Variants in LHFPL2 observed in about 807,000 individuals in gnomAD.
The protein encoded by LHFPL2 is LHFPL tetraspan subfamily member 2 protein.
In LHFPL2, 7 loss-of-function variants were observed where a neutral mutation model predicts 17.5. The observed-to-expected ratio is 0.40, with a 90% confidence interval of 0.23 to 0.75. The LOEUF (loss-of-function observed/expected upper bound fraction) is 0.75, where lower values mean the gene tolerates loss of function less well. LHFPL2 is among the 30% of genes least tolerant of loss of function. The probability of loss-of-function intolerance (pLI) is 0.37; values close to 1 mark genes in which losing one functional copy is unlikely to be tolerated. For synonymous variants in LHFPL2, 134 were observed against 116.2 expected, an observed-to-expected ratio of 1.15 and a Z score of -0.99; for missense variants, 241 against 294.8, an observed-to-expected ratio of 0.82 and a Z score of 1.34.
At chr5:78,644,511 G>C (rs955347275) in intron 1 of LHFPL2, 1 of 599,534 alleles carries the variant, frequency 1.7e-6, no homozygotes, top group Non-Finnish European at 3.0e-6. Context: ...GTTCTGCTTT[G>C]ATTTTTGGGC....
intron 1 of LHFPL2, among the ~76,000 whole-genome samples, chr5:78,647,049 A>G (rs1026026223): frequency 2.6e-5 from 4 of 152,186 alleles, no homozygotes; most frequent in African/African-American, 9.7e-5. Flanking sequence ...TCTCCATGTG[A>G]CCACTTAGAG....
At chr5:78,597,449 C>T (rs1743864330) in intron 2 of LHFPL2, among the ~76,000 whole-genome samples, 1 of 152,028 alleles carries the variant, frequency 6.6e-6, no homozygotes, top group African/African-American at 2.4e-5. Context: ...TTGTGTGGGA[C>T]AGAAGCAAGA....
In LHFPL2 at chr5:78,519,039, G is replaced by T. The variant is rs148115936; in HGVS notation, c.-185-8641C>A. On this transcript the variant is annotated intron_variant, in intron 3 of 4. Coordinates refer to ENST00000380345, the MANE Select transcript of LHFPL2 (RefSeq NM_005779.3). ...TATGGGCTGCTAAGCAACGTGGACA[G>T]GGGAAGTCTGTCCCATTCTATGCCC... is the stretch of plus-strand genomic sequence containing the variant. Among the ~76,000 whole-genome samples the T allele has an allele frequency of 4.8e-5, 6 of 124,118 alleles. No individual in the cohort carries two copies. In the East Asian group the frequency reaches 1.3e-3, roughly 26 times the overall value. 81.4% of individuals were successfully genotyped at this position (124,118 alleles called of 152,430 possible).
At chr5:78,554,483 A>G (rs901762700) in intron 3 of LHFPL2, among the ~76,000 whole-genome samples, 1 of 152,040 alleles carries the variant, frequency 6.6e-6, no homozygotes, top group Non-Finnish European at 1.5e-5. Context: ...CCTATTTCAC[A>G]CCCCTATTCC....
intron 2 of LHFPL2, among the ~76,000 whole-genome samples, chr5:78,584,622 G>T (rs1265307608): frequency 6.6e-6 from 1 of 152,190 alleles, no homozygotes; most frequent in Non-Finnish European, 1.5e-5. Context: ...GGACCCACTT[G>T]AGGAGGCAGT....
At chr5:78,524,298 T>C (rs1755549851) in intron 3 of LHFPL2, among the ~76,000 whole-genome samples, 2 of 152,190 alleles carry the variant, frequency 1.3e-5, no homozygotes, top group South Asian at 4.1e-4. Flanking sequence ...AGACACCAAG[T>C]TTCACAATTT....
chr5:78,513,998 C>G (rs1328337000), intron 3 of LHFPL2, among the ~76,000 whole-genome samples: 1 of 152,152 alleles, frequency 6.6e-6, no homozygotes, highest in African/African-American at 2.4e-5. Flanking sequence ...GTGCTCTGTC[C>G]CAGTTTGGCT....
chr5:78,614,006 A>T (rs1744508429), intron 2 of LHFPL2, among the ~76,000 whole-genome samples: 1 of 152,188 alleles, frequency 6.6e-6, no homozygotes, highest in South Asian at 2.1e-4. Flanking sequence ...CTTCATCACA[A>T]TACTGTCTTG....
intron 2 of LHFPL2, among the ~76,000 whole-genome samples, chr5:78,584,937 C>G (rs1022479002): frequency 6.6e-6 from 1 of 150,532 alleles, no homozygotes; most frequent in African/African-American, 2.5e-5. Flanking sequence ...ATCAACGAGA[C>G]TCCGTGGGCG....
intron 2 of LHFPL2, among the ~76,000 whole-genome samples, chr5:78,630,320 G>A (rs1164106393): frequency 6.6e-6 from 1 of 152,204 alleles, no homozygotes; most frequent in African/African-American, 2.4e-5. Flanking sequence ...CCCTGCGGCA[G>A]CTTCTTCAGG....
intron 2 of LHFPL2, among the ~76,000 whole-genome samples, chr5:78,609,072 AC>A (rs1457064098): frequency 6.6e-6 from 1 of 152,186 alleles, no homozygotes; most frequent in East Asian, 1.9e-4. Flanking sequence ...TTATACTCTG[AC>A]TCAGGAGTTT....
At position 78,633,913 on chromosome 5, in the gene LHFPL2, ACAGTGAGGT is replaced by A. The variant is rs200701134; in HGVS notation, c.-349-1554_-349-1546del. 2.0e-5 allele frequency among the ~76,000 whole-genome samples: 3 copies of A among 152,136 alleles called. No homozygotes were observed. The East Asian group carries it at 5.8e-4, about 29-fold the overall frequency. ...AGAATCTGACCACTCCATAAATGAA[ACAGTGAGGT>A]CGCCCTGGAAGGCTCCATGTGGTTT... On this transcript the variant is annotated intron_variant, in intron 1 of 4. Coordinates refer to ENST00000380345, the MANE Select transcript of LHFPL2 (RefSeq NM_005779.3).
intron 2 of LHFPL2, among the ~76,000 whole-genome samples, chr5:78,629,813 T>C (rs1012395705): frequency 6.6e-6 from 1 of 152,326 alleles, no homozygotes; most frequent in Non-Finnish European, 1.5e-5. Flanking sequence ...TGTTGGACAG[T>C]GTCTTTGGAT....
chr5:78,500,343 CACTATCCGTGATCCAGTGGGTGTTAGTT>C (rs1277981956), intron 4 of LHFPL2, among the ~76,000 whole-genome samples: 1 of 152,158 alleles, frequency 6.6e-6, no homozygotes, highest in African/African-American at 2.4e-5. Context: ...ATCCTTGCAC[CACTATCCGTGATCCAGTGGGTGTTAGTT>C]AAACCCATGT....
intron 2 of LHFPL2, among the ~76,000 whole-genome samples, chr5:78,622,866 C>T (rs1441534613): frequency 1.3e-5 from 2 of 152,184 alleles, no homozygotes; most frequent in Admixed American, 6.5e-5. Flanking sequence ...TGAGACACCA[C>T]TGAGGCCTGC....
intron 3 of LHFPL2, among the ~76,000 whole-genome samples, chr5:78,515,415 G>C (rs1041957843): frequency 8.5e-5 from 13 of 152,200 alleles, no homozygotes; most frequent in African/African-American, 3.1e-4. Flanking sequence ...GAAACTGGAA[G>C]TTACATCTAA....
At chr5:78,500,084 G>A (rs1036425427) in intron 4 of LHFPL2, among the ~76,000 whole-genome samples, 2 of 151,106 alleles carry the variant, frequency 1.3e-5, no homozygotes, top group Admixed American at 6.6e-5. Context: ...GATCTTCTAT[G>A]CTTGGGAACC....
At chr5:78,594,748 T>C (rs1743767798) in intron 2 of LHFPL2, among the ~76,000 whole-genome samples, 1 of 152,216 alleles carries the variant, frequency 6.6e-6, no homozygotes, top group African/African-American at 2.4e-5. Flanking sequence ...GAAAACACAG[T>C]GCAAAAGTTG....
intron 1 of LHFPL2, among the ~76,000 whole-genome samples, chr5:78,641,490 A>AT (rs1301333455): frequency 2.6e-5 from 4 of 151,342 alleles, no homozygotes; most frequent in East Asian, 1.9e-4. Context: ...TTCCTTGCTT[A>AT]TTTTTTTTTA....
Sources: gnomAD v4.1 joint callset for allele counts (sites outside exome capture counted in the v4.1 genomes callset) on GRCh38, gnomAD v4.1.1 for gene constraint, MANE v1.5 for transcripts, NCBI Gene and HGNC (gene_info 2026-07-23, HGNC 2026-07-21) for gene names.